Variants in ARHGEF10 observed in about 807,000 individuals in gnomAD.
ARHGEF10 encodes Rho guanine nucleotide exchange factor 10.
A neutral mutation model predicts 147.4 loss-of-function variants in ARHGEF10; 140 were observed. The observed-to-expected ratio is 0.95, with a 90% CI of 0.83 to 1.09. ARHGEF10 has a LOEUF of 1.09. ARHGEF10 is among the 50% of genes least tolerant of loss of function. The pLI, the probability that ARHGEF10 is intolerant of heterozygous loss-of-function variation, is 0.00. For missense variants in ARHGEF10, 2,222 were observed against 1,752.7 expected (o/e 1.27, Z -4.78); for synonymous variants, 902 against 695.8 (o/e 1.30, Z -4.67).
intron 27 of ARHGEF10, chr8:1,945,916 C>CGTGCTGGGAGGAGCCGT (rs1814550498): frequency 8.2e-6 from 5 of 611,930 alleles, no homozygotes; most frequent in East Asian, 2.8e-5. Flanking sequence ...GGAGGAGCCG[C>CGTGCTGGGAGGAGCCGT]GTGGCAGTGC....
chr8:1,858,160 C>CCAGGTGGGTCCT (rs756273909), intron 3 of ARHGEF10, 45 bp downstream of exon 3: 2 of 1,566,324 alleles, frequency 1.3e-6, no homozygotes, highest in Admixed American at 3.7e-5. Flanking sequence ...AGGTGGGTCC[C>CCAGGTGGGTCCT]CAGGTGAGTC....
intron 2 of ARHGEF10, among the ~76,000 whole-genome samples, chr8:1,844,812 A>C (rs1209178415): frequency 6.6e-6 from 1 of 152,138 alleles, no homozygotes; most frequent in East Asian, 1.9e-4. Flanking sequence ...CACACCTGTA[A>C]TGCCAGCACT....
At chr8:1,903,161 T>G in intron 15 of ARHGEF10, 120 bp from the exon 16 acceptor site, 1 of 1,296,480 alleles carries the variant, frequency 7.7e-7, no homozygotes, top group Non-Finnish European at 1.1e-6. Context: ...TGACTTTATT[T>G]TTCCCCAGGA....
intron 1 of ARHGEF10, among the ~76,000 whole-genome samples, chr8:1,834,952 A>G (rs1041667425): frequency 3.3e-5 from 5 of 152,170 alleles, no homozygotes; most frequent in African/African-American, 1.2e-4. Context: ...CCGCGGGGCC[A>G]CTTCACCCCC....
Position 1,956,797 on chromosome 8 carries a change from T to TCGTCCTG in ARHGEF10, c.3570_3576dup (p.Ala1193ArgfsTer46). On this transcript the variant is annotated frameshift_variant, in exon 29 of 29. Transcript: ENST00000349830. LOFTEE classifies it low-confidence loss of function (END_TRUNC). ...GCACACAACAGTCCTGTCAAATTCA[T>TCGTCCTG]CGTCCTGGCCACGGCTCTGCACGAG... 1 of 1,614,030 alleles carries TCGTCCTG rather than the reference T, an allele frequency of 6.2e-7. No individual in the cohort carries two copies. The highest frequency in any genetic ancestry group is 8.5e-7 in the Non-Finnish European group (1 of 1,180,034).
intron 2 of ARHGEF10, among the ~76,000 whole-genome samples, chr8:1,849,850 G>T (rs1430281215): frequency 7.6e-6 from 1 of 131,790 alleles, no homozygotes; most frequent in African/African-American, 3.1e-5. Flanking sequence ...GGGCGGCCAC[G>T]TGGACACAGA....
At chr8:1,853,380 A>T (rs538459388) in intron 2 of ARHGEF10, among the ~76,000 whole-genome samples, 2 of 152,360 alleles carry the variant, frequency 1.3e-5, no homozygotes, top group Admixed American at 1.3e-4. Context: ...AATGACGGCT[A>T]CACTGCAGAT....
chr8:1,902,320 C>T (rs1257812585), intron 15 of ARHGEF10, among the ~76,000 whole-genome samples: 1 of 152,192 alleles, frequency 6.6e-6, no homozygotes, highest in Non-Finnish European at 1.5e-5. Context: ...ACAAAAGGCC[C>T]TGCATAAAAC....
chr8:1,876,785 C>T, intron 8 of ARHGEF10, 51 bp downstream of exon 8: 1 of 1,590,278 alleles, frequency 6.3e-7, no homozygotes, highest in South Asian at 1.1e-5. Context: ...TTAACACGGA[C>T]AGGGGGCTGT....
chr8:1,858,113 C>G lies in ARHGEF10; in HGVS notation c.191C>G (p.Thr64Arg). 1 of 1,613,584 alleles carries G rather than the reference C, an allele frequency of 6.2e-7. No homozygotes were observed. The highest frequency in any genetic ancestry group is 8.5e-7 in the Non-Finnish European group (1 of 1,179,720). The change falls in exon 3 of 29, where the codon ACA (threonine) becomes AGA (arginine). Residue 64 changes from threonine (T) to arginine (R), a missense_variant and splice_region_variant. Thr to Arg is a moderately conservative substitution (Grantham distance 71). Transcript: ENST00000349830. The stretch of plus-strand genomic sequence containing the variant: ...GGAGCCAGTGAAGCCCCTGCACCCA[C>G]AGGTGAGTTTCCAGGAGGGTCCCCA... Reference protein sequence around the residue: ...GAGASEAPAPTGGEDGAGAET... With the variant: ...GAGASEAPAPRGGEDGAGAET...
chr8:1,954,742 GTTGTACCAAT>G (rs1815340768), intron 28 of ARHGEF10, among the ~76,000 whole-genome samples: 1 of 152,204 alleles, frequency 6.6e-6, no homozygotes, highest in African/African-American at 2.4e-5. Flanking sequence ...CTCCTCTGTA[GTTGTACCAAT>G]TTGTATCTTA....
rs1018590460 is a variant in ARHGEF10 at position 1,905,089 on chromosome 8, G to A, written c.1822-482G>A. 2.0e-5 allele frequency among the ~76,000 whole-genome samples: 3 copies of A among 152,096 alleles called. No individual in the cohort carries two copies. The East Asian group carries it at 5.8e-4, about 29-fold the overall frequency. On this transcript the variant is annotated intron_variant, in intron 16 of 28. Coordinates refer to ENST00000349830, the MANE Select transcript of ARHGEF10 (RefSeq NM_014629.4). Reference sequence around the variant, plus strand: ...GGTTGCAGTGAGTTGAGATTGTGCGGCTGCACTCCAGCCTGGGTAACAGAG... The same window carrying A: ...GGTTGCAGTGAGTTGAGATTGTGCGACTGCACTCCAGCCTGGGTAACAGAG...
At chr8:1,938,506 A>G (rs1421034520) in intron 26 of ARHGEF10, among the ~76,000 whole-genome samples, 9 of 152,250 alleles carry the variant, frequency 5.9e-5, no homozygotes. Context: ...CTGAAGGGAA[A>G]AACAATGAAA....
intron 23 of ARHGEF10, chr8:1,927,458 C>T (rs890159190): frequency 6.6e-6 from 1 of 152,232 alleles, no homozygotes; most frequent in African/African-American, 2.4e-5. Flanking sequence ...TCACCCTAAA[C>T]CAGCTAGTGC....
At chr8:1,912,168 C>A (rs552882280) in intron 18 of ARHGEF10, among the ~76,000 whole-genome samples, 1 of 151,802 alleles carries the variant, frequency 6.6e-6, no homozygotes, top group African/African-American at 2.4e-5. Context: ...CCTGCAAAAG[C>A]GCCGTGTCGA....
At chr8:1,949,906 G>A (rs923791574) in intron 27 of ARHGEF10, among the ~76,000 whole-genome samples, 2 of 152,126 alleles carry the variant, frequency 1.3e-5, no homozygotes, top group Non-Finnish European at 1.5e-5. Context: ...CTTGGGGGAC[G>A]TATTGCTTCT....
intron 9 of ARHGEF10, among the ~76,000 whole-genome samples, chr8:1,882,111 T>C (rs1370255187): frequency 6.6e-6 from 1 of 152,126 alleles, no homozygotes; most frequent in Non-Finnish European, 1.5e-5. Context: ...CTCAGGTGTG[T>C]CCCGTGCGTG....
At chr8:1,845,831 G>A (rs538997681) in intron 2 of ARHGEF10, among the ~76,000 whole-genome samples, 5 of 152,284 alleles carry the variant, frequency 3.3e-5, no homozygotes, top group African/African-American at 9.6e-5. Flanking sequence ...GTGTGTAGTT[G>A]TGCTAATCAG....
chr8:1,904,484 C>A (rs979350486), intron 16 of ARHGEF10, among the ~76,000 whole-genome samples: 116 of 152,240 alleles, frequency 7.6e-4, no homozygotes, highest in African/African-American at 2.6e-3. Flanking sequence ...ACATATTTTC[C>A]CCATTTCTCC....
Sources: gnomAD v4.1 joint callset for allele counts (sites outside exome capture counted in the v4.1 genomes callset) on GRCh38, gnomAD v4.1.1 for gene constraint, MANE v1.5 for transcripts, NCBI Gene and HGNC (gene_info 2026-07-23, HGNC 2026-07-21) for gene names.